CALN1: variants seen among roughly 807,000 people sequenced by gnomAD.
The protein encoded by CALN1 is calneuron 1, also known as calcium-binding protein 8.
CALN1 carries 17 observed loss-of-function variants against 30.6 expected under a neutral mutation model. The ratio of observed to expected loss-of-function variants is 0.56; its 90% CI spans 0.38 to 0.83. The LOEUF is 0.83. CALN1 is among the 40% of genes least tolerant of loss of function. The pLI, the probability that CALN1 is intolerant of heterozygous loss-of-function variation, is 0.00. For missense variants in CALN1, 291 were observed against 354.9 expected, an observed-to-expected ratio of 0.82 and a Z score of 1.45; for synonymous variants, 156 against 131.4, an observed-to-expected ratio of 1.19 and a Z score of -1.28.
At chr7:71,874,340 T>G (rs369009318) in intron 5 of CALN1, among the ~76,000 whole-genome samples, 71 of 148,964 alleles carry the variant, frequency 4.8e-4, no homozygotes, top group African/African-American at 1.7e-3. Flanking sequence ...AACAGAAAGA[T>G]TCATCCATCA....
intron 4 of CALN1, among the ~76,000 whole-genome samples, chr7:72,041,140 G>A (rs1055737002): frequency 6.6e-6 from 1 of 152,106 alleles, no homozygotes; most frequent in African/African-American, 2.4e-5. Flanking sequence ...TACATAAGAG[G>A]CAGGAGACAA....
chr7:72,086,195 A>G (rs980207810), intron 4 of CALN1, among the ~76,000 whole-genome samples: 3 of 152,210 alleles, frequency 2.0e-5, no homozygotes, highest in African/African-American at 7.2e-5. Flanking sequence ...ACTTGTGTAC[A>G]TTAATGAACG....
At chr7:72,100,897 CTA>C (rs2129540730) in intron 4 of CALN1, among the ~76,000 whole-genome samples, 1 of 151,844 alleles carries the variant, frequency 6.6e-6, no homozygotes, top group African/African-American at 2.4e-5. Flanking sequence ...TGAGTCCAAC[CTA>C]TGTGTAAAGA....
the CALN1 span, among the ~76,000 whole-genome samples, chr7:72,466,259 A>G: frequency 4.0e-5 from 6 of 151,074 alleles, no homozygotes; most frequent in South Asian, 2.1e-4. Flanking sequence ...GTGTGTGTGT[A>G]CACACACACA....
the CALN1 span, among the ~76,000 whole-genome samples, chr7:72,472,263 G>T: frequency 6.6e-6 from 1 of 152,190 alleles, no homozygotes; most frequent in Non-Finnish European, 1.5e-5. Context: ...CCTGGCATTT[G>T]CAAGGCCATA....
At chr7:72,014,031 T>C (rs1205189742) in intron 5 of CALN1, among the ~76,000 whole-genome samples, 1 of 151,834 alleles carries the variant, frequency 6.6e-6, no homozygotes, top group Non-Finnish European at 1.5e-5. Context: ...TACAAAGAAA[T>C]TGTAAATACA....
At chr7:72,387,598 C>G (rs1043614281) in intron 2 of CALN1, among the ~76,000 whole-genome samples, 2 of 152,062 alleles carry the variant, frequency 1.3e-5, no homozygotes, top group African/African-American at 2.4e-5. Context: ...ATCTTCCTCC[C>G]CTACACCCAT....
intron 5 of CALN1, among the ~76,000 whole-genome samples, chr7:71,892,991 C>G (rs1793330661): frequency 6.6e-6 from 1 of 152,020 alleles, no homozygotes; most frequent in Non-Finnish European, 1.5e-5. Context: ...TTACAACTTG[C>G]AAGGCTTTGA....
intron 5 of CALN1, among the ~76,000 whole-genome samples, chr7:71,980,377 G>C (rs1415798840): frequency 6.6e-6 from 1 of 151,516 alleles, no homozygotes; most frequent in Non-Finnish European, 1.5e-5. Flanking sequence ...AGTAGAGACA[G>C]GGTTTTACCA....
chr7:72,326,717 T>A (rs1801303873), intron 2 of CALN1, among the ~76,000 whole-genome samples: 1 of 152,210 alleles, frequency 6.6e-6, no homozygotes, highest in South Asian at 2.1e-4. Context: ...TCGGTTTTCA[T>A]GAGGTTCGGA....
At chr7:71,853,227 C>A (rs1395099377) in intron 5 of CALN1, among the ~76,000 whole-genome samples, 1 of 151,822 alleles carries the variant, frequency 6.6e-6, no homozygotes, top group Non-Finnish European at 1.5e-5. Flanking sequence ...CAGGCATGAG[C>A]CACTGCACTC....
intron 3 of CALN1, among the ~76,000 whole-genome samples, chr7:72,161,577 G>A (rs913096226): frequency 3.3e-5 from 5 of 152,162 alleles, no homozygotes; most frequent in Non-Finnish European, 5.9e-5. Flanking sequence ...AATGGTGGCT[G>A]GAGGAAACAG....
chr7:72,054,775 A>G (rs1803140283), intron 4 of CALN1, among the ~76,000 whole-genome samples: 1 of 152,006 alleles, frequency 6.6e-6, no homozygotes, highest in Non-Finnish European at 1.5e-5. Flanking sequence ...TGAAGGAGGG[A>G]CAGTACCCCA....
intron 2 of CALN1, among the ~76,000 whole-genome samples, chr7:72,377,302 T>C (rs1804619475): frequency 6.6e-6 from 1 of 152,124 alleles, no homozygotes; most frequent in African/African-American, 2.4e-5. Flanking sequence ...TTAGATATAT[T>C]TTCCTTCAGC....
intron 2 of CALN1, among the ~76,000 whole-genome samples, chr7:72,314,304 T>C (rs958310050): frequency 2.6e-5 from 4 of 151,950 alleles, no homozygotes; most frequent in African/African-American, 9.7e-5. Context: ...TAATACTATT[T>C]GATTTCTAAG....
chr7:72,203,084 G>T (rs2129547536), intron 3 of CALN1, among the ~76,000 whole-genome samples: 1 of 152,220 alleles, frequency 6.6e-6, no homozygotes, highest in East Asian at 1.9e-4. Context: ...ACTAACACAG[G>T]AACAGAAAAC....
intron 3 of CALN1, among the ~76,000 whole-genome samples, chr7:72,273,949 T>C (rs1797173736): frequency 6.6e-6 from 1 of 151,832 alleles, no homozygotes; most frequent in African/African-American, 2.4e-5. Flanking sequence ...CAAAAGAAAG[T>C]TACCATCATC....
intron 3 of CALN1, among the ~76,000 whole-genome samples, chr7:72,138,098 C>A (rs1563089186): frequency 6.6e-6 from 1 of 152,184 alleles, no homozygotes; most frequent in Non-Finnish European, 1.5e-5. Flanking sequence ...TCAAAAACCA[C>A]ATTTAGTAAA....
chr7:71,898,671 A>G (rs13241833), intron 5 of CALN1, among the ~76,000 whole-genome samples: 13,011 of 152,236 alleles, frequency 0.085, 948 homozygotes, highest in East Asian at 0.42. Flanking sequence ...ACAACTGGAC[A>G]CGTCATAGTA....
Sources: gnomAD v4.1 joint callset for allele counts (sites outside exome capture counted in the v4.1 genomes callset) on GRCh38, gnomAD v4.1.1 for gene constraint, MANE v1.5 for transcripts, NCBI Gene and HGNC (gene_info 2026-07-23, HGNC 2026-07-21) for gene names.